The following COL12A1 variants were observed in gnomAD, a reference collection of about 807,000 sequenced individuals.
The protein encoded by COL12A1 is collagen type XII alpha 1 chain.
A neutral mutation model predicts 349.7 loss-of-function variants in COL12A1; 114 were observed. That is an observed-to-expected ratio of 0.33 (90% CI 0.28 to 0.38). The LOEUF is 0.38. Ranked by LOEUF, COL12A1 falls within the 10% of genes least tolerant of loss-of-function variation. The probability of loss-of-function intolerance (pLI) is 1.00; values close to 1 mark genes in which losing one functional copy is unlikely to be tolerated. For missense variants in COL12A1, 3,284 were observed against 3,756.9 expected (o/e 0.87, Z 3.29); for synonymous variants, 1,369 against 1,329.0 (o/e 1.03, Z -0.66).
chr6:75,134,042 A>G (rs761492772), intron 32 of COL12A1, 45 bp from the exon 33 acceptor site: 5 of 1,582,286 alleles, frequency 3.2e-6, no homozygotes, highest in Non-Finnish European at 4.3e-6. Flanking sequence ...CTAACAATCA[A>G]GCACACATGA....
chr6:75,151,769 G>GTTT, intron 20 of COL12A1, 98 bp downstream of exon 20: 1 of 1,234,870 alleles, frequency 8.1e-7, no homozygotes, highest in East Asian at 2.4e-5. Context: ...AAAAAAATGG[G>GTTT]TATTTTTTTT....
In COL12A1 at chr6:75,126,432, C is replaced by A; in HGVS notation, c.6379G>T (p.Glu2127Ter). 6.2e-7 allele frequency: 1 copy of A among 1,611,256 alleles called. No homozygotes were observed. Among genetic ancestry groups the A allele is most frequent in the South Asian group, 1.1e-5 (1 of 90,962 alleles). Residue 2127 changes from glutamate to a stop codon, truncating the protein, a stop_gained, in exon 39 of 66, where the codon GAA becomes TAA. Transcript: ENST00000322507. LOFTEE classifies it high-confidence loss of function. ...LPPQNIHISDEWYTRFRVSWD... is the reference protein window; with the variant it reads ...LPPQNIHISD The stretch of plus-strand genomic sequence containing the variant: ...GACACCCTGAATCTTGTATACCATT[C>A]GTCAGAGATGTGTATGTTCTGAGGA...
Position 75,151,928 on chromosome 6 carries a change from T to C in COL12A1, c.3939A>G (p.Gln1313=), listed in dbSNP as rs1405951136. Reference sequence around the variant, plus strand: ...TCTTTGAAGGTGCTTCAACATCGTCTTGTGATTTTCCATCAGTAATGAGCA... The same window carrying C: ...TCTTTGAAGGTGCTTCAACATCGTCCTGTGATTTTCCATCAGTAATGAGCA... ...IGVLITDGKS[Q]DDVEAPSKKL... Residue 1313 remains glutamine, a synonymous_variant, in exon 20 of 66, where the codon CAA becomes CAG. Transcript: ENST00000322507. 5 of 1,613,808 alleles carry C rather than the reference T, an allele frequency of 3.1e-6. No homozygotes were observed. The highest frequency in any genetic ancestry group is 1.7e-5 in the Admixed American group (1 of 59,972).
At chr6:75,151,728 TG>T (rs1767499639) in intron 20 of COL12A1, 138 bp downstream of exon 20, 2 of 1,026,750 alleles carry the variant, frequency 1.9e-6, no homozygotes, top group Non-Finnish European at 2.8e-6. Context: ...ATTAACTTCC[TG>T]GAACATTATT....
rs1423365307 is a variant in COL12A1, at chr6:75,085,307, C to G, written c.*1240G>C. The G allele has an allele frequency of 2.1e-6, 1 of 471,110 alleles. No individual in the cohort carries two copies. Among genetic ancestry groups the G allele is most frequent in the Admixed American group, 2.3e-5 (1 of 42,586 alleles). 29.2% of individuals were successfully genotyped at this position (471,110 alleles called of 1,614,324 possible). ...ATTCCGCTGTCCGCTCGGGCTCCACCGGCACGATGAAGGGCTCGCGCTCAG... is the reference window on the plus strand; with the variant it reads ...ATTCCGCTGTCCGCTCGGGCTCCACGGGCACGATGAAGGGCTCGCGCTCAG... On this transcript the variant is annotated 3_prime_UTR_variant, in exon 66 of 66. Coordinates refer to ENST00000322507, the MANE Select transcript of COL12A1 (RefSeq NM_004370.6).
chr6:75,189,471 T>C, intron 6 of COL12A1, 81 bp downstream of exon 6: 1 of 1,569,956 alleles, frequency 6.4e-7, no homozygotes, highest in East Asian at 2.2e-5. Flanking sequence ...AAATATTTAA[T>C]ATGTAATAGG....
chr6:75,138,725 CT>C, intron 28 of COL12A1, 96 bp downstream of exon 28: 1 of 1,549,514 alleles, frequency 6.5e-7, no homozygotes. Flanking sequence ...TCAATAAATG[CT>C]TATTGACAAC....
intron 2 of COL12A1, among the ~76,000 whole-genome samples, chr6:75,195,442 G>A (rs1770169849): frequency 6.6e-6 from 1 of 152,036 alleles, no homozygotes; most frequent in African/African-American, 2.4e-5. Context: ...GATGGTTTTG[G>A]TTCATTCTCT....
At chr6:75,194,197 G>A (rs895619833) in intron 3 of COL12A1, among the ~76,000 whole-genome samples, 4 of 152,122 alleles carry the variant, frequency 2.6e-5, no homozygotes, top group African/African-American at 9.7e-5. Flanking sequence ...CAGTGGAAAT[G>A]GTTATTTTCT....
At chr6:75,157,486 C>T (rs1264734616) in intron 14 of COL12A1, among the ~76,000 whole-genome samples, 5 of 151,422 alleles carry the variant, frequency 3.3e-5, no homozygotes, top group Non-Finnish European at 7.4e-5. Flanking sequence ...TTTTCAGACA[C>T]GACATCAGCT....
chr6:75,165,244 A>G (rs1350229411), intron 14 of COL12A1, among the ~76,000 whole-genome samples: 1 of 152,014 alleles, frequency 6.6e-6, no homozygotes, highest in African/African-American at 2.4e-5. Flanking sequence ...CTAGTTGGGT[A>G]TTCTATCTAG....
intron 23 of COL12A1, among the ~76,000 whole-genome samples, chr6:75,147,172 G>A (rs1016296445): frequency 2.6e-5 from 4 of 152,166 alleles, no homozygotes; most frequent in East Asian, 1.9e-4. Context: ...ACTGGCAGCC[G>A]GGAGCGCTGG....
rs1336526849 is a variant in COL12A1 at position 75,134,762 on chromosome 6, C to T, written c.5488G>A (p.Gly1830Ser). 1 of 1,609,844 alleles carries T rather than the reference C, an allele frequency of 6.2e-7. No individual in the cohort carries two copies. The highest frequency in any genetic ancestry group is 1.7e-5 in the Admixed American group (1 of 59,972). Residue 1830 changes from glycine (G) to serine (S), a missense_variant, in exon 32 of 66, where the codon GGT becomes AGT. Physicochemically the swap from Gly to Ser is moderately conservative, Grantham distance 56 (BLOSUM62 0). Coordinates refer to ENST00000322507, the MANE Select transcript of COL12A1 (RefSeq NM_004370.6). ...CTTCCCGTCATCCGACCTCCTTCAC[C>T]ATCAGGATACAGAGAGGATACGGTG... The part of the protein sequence containing the change: ...TITVSSLYPD[G>S]EGGRMTGRGK...
Position 75,156,361 on chromosome 6 carries a change from G to C in COL12A1, c.3146C>G (p.Ser1049Trp), listed in dbSNP as rs772210650. ...MVAKVPPTVT[S>W]TVLKRLQPQT... The stretch of plus-strand genomic sequence containing the variant: ...TGGCTGAAGTCGCTTTAACACTGTC[G>C]AAGTGACTGTGGGGGGCACCTTAGC... Residue 1049 changes from serine to tryptophan, a missense_variant, in exon 15 of 66, where the codon TCG (serine) becomes TGG (tryptophan). Ser to Trp is a radical substitution (Grantham distance 177, BLOSUM62 -3). Around this residue, in one of 2 missense-constraint regions of COL12A1, gnomAD observed 2,601 missense variants for 2,824.8 expected, o/e 0.92. Coordinates refer to ENST00000322507, the MANE Select transcript of COL12A1 (RefSeq NM_004370.6). The C allele has an allele frequency of 6.2e-7, 1 of 1,613,880 alleles. No individual in the cohort carries two copies. The highest frequency in any genetic ancestry group is 8.5e-7 in the Non-Finnish European group (1 of 1,179,884).
chr6:75,143,194 T>C, intron 26 of COL12A1, 58 bp downstream of exon 26: 3 of 1,598,190 alleles, frequency 1.9e-6, no homozygotes, highest in Non-Finnish European at 2.6e-6. Context: ...ATAAAGTTCT[T>C]TTTTTAAACC....
intron 60 of COL12A1, among the ~76,000 whole-genome samples, chr6:75,092,200 T>A (rs891257651): frequency 2.6e-5 from 4 of 151,228 alleles, no homozygotes; most frequent in African/African-American, 9.7e-5. Context: ...TGTTGGGGGG[T>A]CAGGGGCTAG....
At position 75,155,862 on chromosome 6, in the gene COL12A1, G is replaced by C. The variant is rs754632351; in HGVS notation, c.3251-8C>G. 1.9e-6 allele frequency: 3 copies of C among 1,578,566 alleles called. No homozygotes were observed. Among genetic ancestry groups the C allele is most frequent in the Non-Finnish European group, 2.6e-6 (3 of 1,169,300 alleles). ...GAGACTTAAACCGAGAAGCTGTAAAGACAAAAAGATTTTTAAAATATTATC... is the reference window on the plus strand; with the variant it reads ...GAGACTTAAACCGAGAAGCTGTAAACACAAAAAGATTTTTAAAATATTATC... On this transcript the variant is annotated splice_region_variant and splice_polypyrimidine_tract_variant and intron_variant, in intron 15 of 65. Coordinates refer to ENST00000322507, the MANE Select transcript of COL12A1 (RefSeq NM_004370.6).
chr6:75,154,556 TA>T lies in COL12A1; in HGVS notation c.3444-20del. On this transcript the variant is annotated intron_variant, in intron 16 of 65. Transcript: ENST00000322507. ...ACCAGCCCTAAAATGTTAAAGTATA[TA>T]TATAGCCTGTGAGAACCATAGGCTC... is the stretch of plus-strand genomic sequence containing the variant. 6.3e-7 allele frequency: 1 copy of T among 1,585,438 alleles called. No homozygotes were observed. Among genetic ancestry groups the T allele is most frequent in the Non-Finnish European group, 8.6e-7 (1 of 1,164,936 alleles).
chr6:75,143,989 G>A (rs762562824), intron 25 of COL12A1, among the ~76,000 whole-genome samples: 3 of 152,188 alleles, frequency 2.0e-5, no homozygotes, highest in Non-Finnish European at 2.9e-5. Context: ...TGTAATATGA[G>A]ATGTATTTCA....
Sources: gnomAD v4.1 joint callset for allele counts (sites outside exome capture counted in the v4.1 genomes callset) on GRCh38, gnomAD v4.1.1 for gene constraint, gnomAD v4.1.1 regional missense constraint, MANE v1.5 for transcripts, NCBI Gene and HGNC (gene_info 2026-07-23, HGNC 2026-07-21) for gene names.